Variants in CTCF observed in about 807,000 individuals in gnomAD.
CTCF encodes the protein CCCTC-binding factor, also known as transcriptional repressor CTCF.
A neutral mutation model predicts 72.3 loss-of-function variants in CTCF; 7 were observed. The ratio of observed to expected loss-of-function variants is 0.10; its 90% CI spans 0.06 to 0.18. The LOEUF is 0.18. Among genes scored for constraint, CTCF ranks in the 10% least tolerant of loss-of-function variants. The pLI, the probability that CTCF is intolerant of heterozygous loss-of-function variation, is 1.00. For missense variants in CTCF, 516 were observed against 949.1 expected, an observed-to-expected ratio of 0.54 and a Z score of 6.00; for synonymous variants, 374 against 315.8, an observed-to-expected ratio of 1.18 and a Z score of -1.95.
chr16:67,610,767 A>G, intron 2 of CTCF, 57 bp from the exon 3 acceptor site: 1 of 1,274,442 alleles, frequency 7.8e-7, no homozygotes, highest in Non-Finnish European at 1.0e-6. Flanking sequence ...TAAAATGTAT[A>G]TTTTTATTTA....
chr16:67,597,196 A>C (rs745790827), intron 2 of CTCF, among the ~76,000 whole-genome samples: 2 of 151,990 alleles, frequency 1.3e-5, no homozygotes, highest in Non-Finnish European at 2.9e-5. Context: ...CACCATGCCC[A>C]GCTGACTTTT....
At chr16:67,617,606 C>G (rs527671022) in intron 5 of CTCF, among the ~76,000 whole-genome samples, 1 of 152,044 alleles carries the variant, frequency 6.6e-6, no homozygotes, top group African/African-American at 2.4e-5. Context: ...CACTTGAACC[C>G]GGGAGGTGGA....
chr16:67,572,908 C>T (rs1009090133), intron 2 of CTCF, among the ~76,000 whole-genome samples: 10 of 150,174 alleles, frequency 6.7e-5, no homozygotes, highest in Admixed American at 4.7e-4. Flanking sequence ...TCACTGCACT[C>T]CACCCTGGGC....
chr16:67,624,071 A>ATG (rs58387336), intron 7 of CTCF, among the ~76,000 whole-genome samples: 15,699 of 117,268 alleles, frequency 0.13, 1,028 homozygotes, highest in East Asian at 0.21. Context: ...AAAATTATAT[A>ATG]TGTGTGTGTG....
chr16:67,606,911 C>T (rs2142809468), intron 2 of CTCF, among the ~76,000 whole-genome samples: 1 of 151,892 alleles, frequency 6.6e-6, no homozygotes, highest in South Asian at 2.1e-4. Context: ...GGATTAGAGG[C>T]ACACCCCACC....
At chr16:67,620,408 C>T (rs1303130743) in intron 5 of CTCF, among the ~76,000 whole-genome samples, 1 of 152,140 alleles carries the variant, frequency 6.6e-6, no homozygotes, top group Admixed American at 6.6e-5. Context: ...ACCATTTGGC[C>T]AGGCTGGTCT....
chr16:67,594,056 G>A (rs1460555175), intron 2 of CTCF, among the ~76,000 whole-genome samples: 2 of 152,034 alleles, frequency 1.3e-5, no homozygotes, highest in Non-Finnish European at 2.9e-5. Context: ...TTACATGGCA[G>A]GATTTTAAAA....
chr16:67,635,910 A>G (rs1208245255), intron 10 of CTCF, among the ~76,000 whole-genome samples: 1 of 151,858 alleles, frequency 6.6e-6, no homozygotes, highest in Non-Finnish European at 1.5e-5. Context: ...ACAAGTGTGA[A>G]CCACCGTGCC....
chr16:67,621,282 C>T (rs1056561139), intron 6 of CTCF, 160 bp from the exon 7 acceptor site: 12 of 580,446 alleles, frequency 2.1e-5, no homozygotes, highest in Admixed American at 1.7e-4. Context: ...TTGGCCATAT[C>T]TGAAGATAGA....
In CTCF at chr16:67,591,724, G is replaced by T. The variant is rs556022978; in HGVS notation, c.-9-19100G>T. On this transcript the variant is annotated intron_variant, in intron 2 of 11. Coordinates refer to ENST00000264010, the MANE Select transcript of CTCF (RefSeq NM_006565.4). ...AGGAAAAACTGATTACTTTTTTTGG[G>T]GGGGGGCAGTAAGGGCACAGAGTCT... Among the ~76,000 whole-genome samples the T allele has an allele frequency of 9.9e-5, 15 of 151,968 alleles. 1 individual carries two copies. Among genetic ancestry groups the T allele is most frequent in the Non-Finnish European group, 1.5e-4 (10 of 67,960 alleles).
chr16:67,611,005 T>A lies in CTCF; in HGVS notation c.173T>A (p.Val58Glu). The change falls in exon 3 of 12, where the codon GTA becomes GAA. Residue 58 changes from valine to glutamate, a missense_variant. Val to Glu is a moderately radical substitution (Grantham distance 121). Transcript: ENST00000264010. Reference protein sequence around the residue: ...GEVVQDVNSSVQMVMMEQLDP... With the variant: ...GEVVQDVNSSEQMVMMEQLDP... Reference sequence around the variant, plus strand: ...GTGGTCCAGGATGTCAACAGCAGTGTACAGATGGTGATGATGGAACAGCTG... The same window carrying A: ...GTGGTCCAGGATGTCAACAGCAGTGAACAGATGGTGATGATGGAACAGCTG... 1 of 1,613,856 alleles carries A rather than the reference T, an allele frequency of 6.2e-7. No homozygotes were observed. Among genetic ancestry groups the A allele is most frequent in the South Asian group, 1.1e-5 (1 of 91,062 alleles).
At chr16:67,576,619 T>G (rs969751499) in intron 2 of CTCF, among the ~76,000 whole-genome samples, 5 of 146,748 alleles carry the variant, frequency 3.4e-5, no homozygotes, top group Admixed American at 1.4e-4. Flanking sequence ...AGTGGCACGA[T>G]CTCTGCTCAC....
At chr16:67,597,083 G>C (rs1043450979) in intron 2 of CTCF, among the ~76,000 whole-genome samples, 1 of 152,004 alleles carries the variant, frequency 6.6e-6, no homozygotes, top group Non-Finnish European at 1.5e-5. Context: ...GCCCAGGCTG[G>C]AGTACAATGG....
At chr16:67,589,708 A>G (rs554763702) in intron 2 of CTCF, among the ~76,000 whole-genome samples, 1 of 152,312 alleles carries the variant, frequency 6.6e-6, no homozygotes, top group South Asian at 2.1e-4. Context: ...GACTACCCCT[A>G]GTACATATGC....
chr16:67,634,666 C>T (rs989106076), intron 10 of CTCF, among the ~76,000 whole-genome samples: 6 of 151,686 alleles, frequency 4.0e-5, no homozygotes, highest in African/African-American at 1.5e-4. Context: ...TACAGACACA[C>T]ACCACCGTGT....
intron 10 of CTCF, 125 bp downstream of exon 10, chr16:67,629,658 C>A: frequency 2.5e-6 from 2 of 789,192 alleles, no homozygotes; most frequent in East Asian, 7.3e-5. Context: ...TTAAACTTCT[C>A]ATCTCCTAAC....
chr16:67,578,863 G>A (rs1403924829), intron 2 of CTCF, among the ~76,000 whole-genome samples: 1 of 151,588 alleles, frequency 6.6e-6, no homozygotes, highest in Admixed American at 6.6e-5. Flanking sequence ...CAGGAGAATC[G>A]CTTCAACCCG....
At position 67,638,546 on chromosome 16, in the gene CTCF, G is replaced by A. The variant is rs1348198442; in HGVS notation, c.*674G>A. On this transcript the variant is annotated 3_prime_UTR_variant, in exon 12 of 12. Coordinates refer to ENST00000264010, the MANE Select transcript of CTCF (RefSeq NM_006565.4). ...TAAGTTACCACAGACTCTGTAGTGT[G>A]TAAATGTTGACAAGGAATTGGATCA... The A allele has an allele frequency of 1.3e-5, 3 of 230,188 alleles. No homozygotes were observed. Among genetic ancestry groups the A allele is most frequent in the African/African-American group, 2.2e-5 (1 of 45,144 alleles). The allele number at this position is 230,188 out of a possible 1,614,324, so 14.3% of individuals were successfully genotyped here.
chr16:67,601,078 G>C (rs2051879555), intron 2 of CTCF, among the ~76,000 whole-genome samples: 1 of 152,108 alleles, frequency 6.6e-6, no homozygotes, highest in Non-Finnish European at 1.5e-5. Context: ...GGGAGAGGCA[G>C]CTAGAAGCGC....
Sources: allele counts gnomAD v4.1 joint callset (sites outside exome capture counted in the v4.1 genomes callset), GRCh38; gene constraint gnomAD v4.1.1; transcripts MANE v1.5; gene names NCBI Gene and HGNC (gene_info 2026-07-23, HGNC 2026-07-21).